MRPL27: variants seen among roughly 807,000 people sequenced by gnomAD.
MRPL27 encodes the protein mitochondrial ribosomal protein L27, also known as large ribosomal subunit protein bL27m.
A neutral mutation model predicts 14.6 loss-of-function variants in MRPL27; 4 were observed. The ratio of observed to expected loss-of-function variants is 0.27; its 90% CI spans 0.14 to 0.63. The LOEUF (loss-of-function observed/expected upper bound fraction) is 0.63. Ranked by LOEUF, MRPL27 falls within the 20% of genes least tolerant of loss-of-function variation. MRPL27 has a pLI of 0.85. For synonymous variants in MRPL27, 82 were observed against 75.5 expected, an observed-to-expected ratio of 1.09 and a Z score of -0.45; for missense variants, 196 against 192.8, an observed-to-expected ratio of 1.02 and a Z score of -0.10.
Position 50,370,525 on chromosome 17 carries a change from C to G in MRPL27, c.102G>C (p.Lys34Asn). 6.2e-7 allele frequency: 1 copy of G among 1,614,218 alleles called. No individual in the cohort carries two copies. Among genetic ancestry groups the G allele is most frequent in the Non-Finnish European group, 8.5e-7 (1 of 1,180,038 alleles). ...TALAVRYASK[K>N]SGGSSKNLGG... ...CGAGGTTTTTGGAGCTACCACCCGA[C>G]TTCTTGGATGCGTATCTGACAGCAA... The change falls in exon 2 of 4, where the codon AAG becomes AAC. Residue 34 changes from lysine (K) to asparagine (N), a missense_variant. Physicochemically the swap from Lys to Asn is moderately conservative, Grantham distance 94. Coordinates refer to ENST00000225969, the MANE Select transcript of MRPL27 (RefSeq NM_016504.3).
At chr17:50,369,789 T>G in intron 3 of MRPL27, 1 of 559,996 alleles carries the variant, frequency 1.8e-6, no homozygotes, top group Non-Finnish European at 3.1e-6. Context: ...GATCTGGGAG[T>G]TAGGCAGACC....
chr17:50,372,794 T>A (rs1305952450), intron 1 of MRPL27: 3 of 362,840 alleles, frequency 8.3e-6, no homozygotes, highest in Admixed American at 4.5e-5. Context: ...AAGACCTCAA[T>A]CTGCTGAATC....
intron 1 of MRPL27, among the ~76,000 whole-genome samples, chr17:50,372,447 T>C (rs750282768): frequency 4.6e-5 from 7 of 152,226 alleles, no homozygotes; most frequent in Non-Finnish European, 7.3e-5. Flanking sequence ...GGTTTTGCCA[T>C]GTTGCCCAGT....
At chr17:50,370,771 G>A (rs542737042) in intron 1 of MRPL27, 185 bp from the exon 2 acceptor site, 4 of 694,472 alleles carry the variant, frequency 5.8e-6, no homozygotes, top group South Asian at 5.7e-5. Flanking sequence ...TCCTTTTGGG[G>A]GAGGGGGCGG....
At position 50,368,151 on chromosome 17, in the gene MRPL27, A is replaced by C; in HGVS notation, c.388T>G (p.Phe130Val). The change falls in exon 4 of 4, where the codon TTT becomes GTT. Residue 130 changes from phenylalanine to valine, a missense_variant. Phe to Val is a conservative substitution (Grantham distance 50, BLOSUM62 -1). Transcript: ENST00000225969. ...LPKGAVLYKT[F>V]VHVVPAKPEG... ...GGCTTGGCAGGAACCACGTGGACAAAAGTCTTGTAGAGCACAGCACCCTTG... is the reference window on the plus strand; with the variant it reads ...GGCTTGGCAGGAACCACGTGGACAACAGTCTTGTAGAGCACAGCACCCTTG... 4 of 1,614,170 alleles carry C rather than the reference A, an allele frequency of 2.5e-6. No individual in the cohort carries two copies. The highest frequency in any genetic ancestry group is 2.5e-6 in the Non-Finnish European group (3 of 1,180,012).
intron 1 of MRPL27, 125 bp downstream of exon 1, chr17:50,373,006 T>C: frequency 8.9e-6 from 12 of 1,351,310 alleles, no homozygotes; most frequent in Non-Finnish European, 1.2e-5. Context: ...AAACCTGGAG[T>C]ACCCCACACA....
At chr17:50,368,562 C>T in intron 3 of MRPL27, 3 of 595,062 alleles carry the variant, frequency 5.0e-6, no homozygotes, top group Non-Finnish European at 8.9e-6. Context: ...GGAGCCATGT[C>T]TATGCAGCTG....
At chr17:50,368,781 G>A in intron 3 of MRPL27, 3 of 693,652 alleles carry the variant, frequency 4.3e-6, no homozygotes. Context: ...TCATACTACT[G>A]CATTAGCTAA....
chr17:50,369,932 T>G (rs1913076574), intron 3 of MRPL27, 100 bp downstream of exon 3: 1 of 1,314,534 alleles, frequency 7.6e-7, no homozygotes, highest in East Asian at 2.3e-5. Flanking sequence ...GCTTGCCATT[T>G]GGTAAGCACT....
intron 1 of MRPL27, among the ~76,000 whole-genome samples, chr17:50,371,324 T>C (rs572316253): frequency 1.3e-5 from 2 of 152,214 alleles, no homozygotes; most frequent in East Asian, 3.9e-4. Flanking sequence ...ACCAAAAGGA[T>C]GGCTGGCCTA....
Position 50,373,132 on chromosome 17 carries a change from G to A in MRPL27, c.39C>T (p.Ala13=), listed in dbSNP as rs1913237092. The A allele has an allele frequency of 6.2e-7, 1 of 1,614,090 alleles. No individual in the cohort carries two copies. Among genetic ancestry groups the A allele is most frequent in the Non-Finnish European group, 8.5e-7 (1 of 1,180,008 alleles). Residue 13 remains alanine (A), a splice_region_variant and synonymous_variant, in exon 1 of 4, where the codon GCC becomes GCT. Coordinates refer to ENST00000225969, the MANE Select transcript of MRPL27 (RefSeq NM_016504.3). ...SVVLALRTRT[A]VTSLLSPTPA... is the part of the protein sequence containing the mutation. ...GCTCTGACTACTGCGTCCCATTACC[G>A]GCTGTCCGGGTCCTCAGCGCCAACA...
At chr17:50,369,666 C>T in intron 3 of MRPL27, 2 of 249,582 alleles carry the variant, frequency 8.0e-6, no homozygotes, top group Non-Finnish European at 1.5e-5. Flanking sequence ...AAATTAGTTT[C>T]CCAAGACTAA....
chr17:50,370,923 G>T, intron 1 of MRPL27: 1 of 244,458 alleles, frequency 4.1e-6, no homozygotes, highest in Non-Finnish European at 8.1e-6. Context: ...CACCACGGAG[G>T]GGCCAGAACA....
chr17:50,368,148 CAA>C lies in MRPL27; in HGVS notation c.389_390del (p.Phe130CysfsTer9). ...TCAGGCTTGGCAGGAACCACGTGGA[CAA>C]AAGTCTTGTAGAGCACAGCACCCTT... Reference protein sequence around the residue: ...LPKGAVLYKTFVHVVPAKPEG... With the variant: ...LPKGAVLYKTXVHVVPAKPEG... On this transcript the variant is annotated frameshift_variant, in exon 4 of 4. Coordinates refer to ENST00000225969, the MANE Select transcript of MRPL27 (RefSeq NM_016504.3). LOFTEE classifies it high-confidence loss of function. The C allele has an allele frequency of 6.2e-7, 1 of 1,614,202 alleles. No homozygotes were observed. The highest frequency in any genetic ancestry group is 8.5e-7 in the Non-Finnish European group (1 of 1,180,026).
chr17:50,368,816 C>CATTTA (rs1913040530), intron 3 of MRPL27: 4 of 701,602 alleles, frequency 5.7e-6, no homozygotes, highest in Non-Finnish European at 1.0e-5. Flanking sequence ...CTTTAATACA[C>CATTTA]ATTAAGTCAT....
At chr17:50,370,761 T>G in intron 1 of MRPL27, 175 bp from the exon 2 acceptor site, 3 of 683,562 alleles carry the variant, frequency 4.4e-6, no homozygotes, top group Admixed American at 3.3e-5. Context: ...CTTGGCTTTC[T>G]CCTTTTGGGG....
Position 50,368,179 on chromosome 17 carries a change from C to T in MRPL27, c.360G>A (p.Leu120=), listed in dbSNP as rs1913017280. ...TCTTGTAGAGCACAGCACCCTTGGGCAGCCTGGTGATCAGATCCACAGCCT... is the reference window on the plus strand; with the variant it reads ...TCTTGTAGAGCACAGCACCCTTGGGTAGCCTGGTGATCAGATCCACAGCCT... ...NTEAVDLITR[L]PKGAVLYKTF... is the part of the protein sequence containing the mutation. The change falls in exon 4 of 4, where the codon CTG becomes CTA. Residue 120 remains leucine, a synonymous_variant. Transcript: ENST00000225969. The T allele has an allele frequency of 6.2e-7, 1 of 1,614,222 alleles. No homozygotes were observed. Among genetic ancestry groups the T allele is most frequent in the Non-Finnish European group, 8.5e-7 (1 of 1,180,048 alleles).
chr17:50,368,280 T>C lies in MRPL27; in HGVS notation c.259A>G (p.Lys87Glu). The change falls in exon 4 of 4, where the codon AAA becomes GAA. Residue 87 changes from lysine to glutamate, a missense_variant. Lys to Glu is a moderately conservative substitution (Grantham distance 56). Coordinates refer to ENST00000225969, the MANE Select transcript of MRPL27 (RefSeq NM_016504.3). ...CCCTCTTCCAGGGCATACAGACATT[T>C]ATTCTTCCCAACACCCACCTGCAAC... ...PGAHVGVGKN[K>E]CLYALEEGIV... 1 of 1,613,432 alleles carries C rather than the reference T, an allele frequency of 6.2e-7. No individual in the cohort carries two copies. The highest frequency in any genetic ancestry group is 1.1e-5 in the South Asian group (1 of 91,072).
intron 3 of MRPL27, 41 bp from the exon 4 acceptor site, chr17:50,368,339 G>A: frequency 6.6e-7 from 1 of 1,513,746 alleles, no homozygotes; most frequent in Non-Finnish European, 9.1e-7. Context: ...GCTGGTCAGC[G>A]AGGTGGTCCG....
Sources: gnomAD v4.1 joint callset for allele counts (sites outside exome capture counted in the v4.1 genomes callset) on GRCh38, gnomAD v4.1.1 for gene constraint, MANE v1.5 for transcripts, NCBI Gene and HGNC (gene_info 2026-07-23, HGNC 2026-07-21) for gene names.